Variants in ADGRF5 observed in about 807,000 individuals in gnomAD.
ADGRF5 encodes G-protein coupled receptor 116.
Under a neutral mutation model 132.3 loss-of-function variants are expected in ADGRF5, and 75 were observed. That is an observed-to-expected ratio of 0.57 (90% CI 0.47 to 0.69). The LOEUF is 0.69. Among genes scored for constraint, ADGRF5 ranks in the 30% least tolerant of loss-of-function variants. The pLI is 0.00. For synonymous variants in ADGRF5, 629 were observed against 597.6 expected (o/e 1.05, Z -0.77); for missense variants, 1,516 against 1,630.6 (o/e 0.93, Z 1.21).
At chr6:46,884,817 T>C (rs1182825786) in intron 4 of ADGRF5, among the ~76,000 whole-genome samples, 1 of 152,168 alleles carries the variant, frequency 6.6e-6, no homozygotes, top group African/African-American at 2.4e-5. Flanking sequence ...AGACACATCA[T>C]GGAGAGGTCC....
In ADGRF5 at chr6:46,884,189, G is replaced by C. The variant is rs1239669504; in HGVS notation, c.411C>G (p.Leu137=). ...GGAAGACGTCACGCTCTTGACAAAT[G>C]AGATTGTGAAGACACCTTTCCCGAG... ...GWPRERCLHN[L]ICQERDVFLP... The change falls in exon 5 of 21, where the codon CTC becomes CTG. Residue 137 remains leucine, a synonymous_variant. Transcript: ENST00000283296. 3 of 1,613,782 alleles carry C rather than the reference G, an allele frequency of 1.9e-6. No individual in the cohort carries two copies. In the East Asian group the frequency reaches 6.7e-5, roughly 36 times the overall value.
chr6:46,858,503 G>A lies in ADGRF5; in HGVS notation c.3400C>T (p.Leu1134Phe). The change falls in exon 17 of 21, where the codon CTT becomes TTT. Residue 1134 changes from leucine to phenylalanine, a missense_variant. Physicochemically the swap from Leu to Phe is conservative, Grantham distance 22 (BLOSUM62 0). Transcript: ENST00000283296. Reference sequence around the variant, plus strand: ...ATGGCAAGTGGGCAGCCATAGCCAAGACAGAAGGCAATGGCTTTCTGAGTG... The same window carrying A: ...ATGGCAAGTGGGCAGCCATAGCCAAAACAGAAGGCAATGGCTTTCTGAGTG... ...RSTQKAIAFC[L>F]GYGCPLAISV... 6.2e-7 allele frequency: 1 copy of A among 1,613,912 alleles called. No homozygotes were observed. The highest frequency in any genetic ancestry group is 2.2e-5 in the East Asian group (1 of 44,878).
chr6:46,902,413 A>G (rs1269350607), intron 2 of ADGRF5, among the ~76,000 whole-genome samples: 1 of 152,220 alleles, frequency 6.6e-6, no homozygotes, highest in Non-Finnish European at 1.5e-5. Context: ...CAATAGGACT[A>G]AAGCATTGAG....
rs114991830 is a variant in ADGRF5, at chr6:46,864,825, A to G, written c.1990+217T>C. Among the ~76,000 whole-genome samples, 480 of 152,272 alleles carry G rather than the reference A, an allele frequency of 3.2e-3. 8 individuals carry two copies. The highest frequency in any genetic ancestry group is 0.011 in the African/African-American group (457 of 41,562). ...AGGCGTGAGCCACCGCACCCGGCCA[A>G]TAACATTTTTTTATCACATAGATTT... On this transcript the variant is annotated intron_variant, in intron 14 of 20. Coordinates refer to ENST00000283296, the MANE Select transcript of ADGRF5 (RefSeq NM_001098518.2).
rs771877461 is a variant in ADGRF5, at chr6:46,881,549, T to C, written c.720A>G (p.Ser240=). 1 of 1,613,568 alleles carries C rather than the reference T, an allele frequency of 6.2e-7. No individual in the cohort carries two copies. Among genetic ancestry groups the C allele is most frequent in the Non-Finnish European group, 8.5e-7 (1 of 1,179,438 alleles). ...VTYEVKTTPP[S]LELIHKANEQ... ...CATTGGCTTTATGTATTAACTCAAG[T>C]GATGGTGGTGTAGTCTTGACTTCAT... Residue 240 remains serine, a synonymous_variant, in exon 8 of 21, where the codon TCA becomes TCG. Transcript: ENST00000283296.
Position 46,860,877 on chromosome 6 carries a change from G to C in ADGRF5, c.2217C>G (p.Pro739=). ...ATGTAGGGAGCATCTCATCCTGAGA[G>C]GGGCTCTTGATCAAAGCCTAGTAAA... ...LQMAKALIKS[P]SQDEMLPTYL... Residue 739 remains proline, a synonymous_variant, in exon 16 of 21, where the codon CCC becomes CCG. Transcript: ENST00000283296. The C allele has an allele frequency of 6.2e-7, 1 of 1,608,542 alleles. No individual in the cohort carries two copies. The highest frequency in any genetic ancestry group is 8.5e-7 in the Non-Finnish European group (1 of 1,176,630).
rs897677426 is a variant in ADGRF5, at chr6:46,916,398, G to A, written c.-25+5315C>T. 2.0e-5 allele frequency among the ~76,000 whole-genome samples: 3 copies of A among 152,196 alleles called. No individual in the cohort carries two copies. The East Asian group carries it at 5.8e-4, about 29-fold the overall frequency. ...AACTGCTGGCTTCATTGTTTCCTAG[G>A]CTCACAGCTTCACAGGTGTCCTTGG... On this transcript the variant is annotated intron_variant, in intron 1 of 20. Coordinates refer to ENST00000283296, the MANE Select transcript of ADGRF5 (RefSeq NM_001098518.2).
intron 3 of ADGRF5, among the ~76,000 whole-genome samples, chr6:46,889,168 TG>T (rs1183628794): frequency 1.6e-5 from 2 of 123,124 alleles, no homozygotes; most frequent in Non-Finnish European, 3.3e-5. Context: ...TATATGTATA[TG>T]TGTGTGTATG....
chr6:46,900,294 T>C (rs908561507), intron 2 of ADGRF5, among the ~76,000 whole-genome samples: 10 of 145,744 alleles, frequency 6.9e-5, no homozygotes, highest in African/African-American at 2.2e-4. Flanking sequence ...TAGGAATTCA[T>C]TTTTTTTTAG....
At chr6:46,924,281 C>G (rs185674906), upstream of ADGRF5, among the ~76,000 whole-genome samples, 1 of 152,206 alleles carries the variant, frequency 6.6e-6, no homozygotes, top group East Asian at 1.9e-4. Context: ...AGATGCATGT[C>G]TTTTTGAAGT....
In ADGRF5 at chr6:46,863,041, G is replaced by A. The variant is rs1414131761; in HGVS notation, c.2046C>T (p.Val682=). Residue 682 remains valine (V), a synonymous_variant, in exon 15 of 21, where the codon GTC becomes GTT. Coordinates refer to ENST00000283296, the MANE Select transcript of ADGRF5 (RefSeq NM_001098518.2). ...TTGAGAACCGGCATAGCTTCTGGAT[G>A]ACTTTCCCCGGCTCTCCGACACCTA... ...PVIGVGEPGK[V]IQKLCRFSNV... is the part of the protein sequence containing the mutation. The A allele has an allele frequency of 6.2e-7, 1 of 1,614,052 alleles. No homozygotes were observed.
intron 1 of ADGRF5, among the ~76,000 whole-genome samples, chr6:46,941,462 AAAAG>A (rs1322218228): frequency 0.013 from 588 of 45,336 alleles, 11 homozygotes; most frequent in Middle Eastern, 0.038. Flanking sequence ...AAAAGAAAAG[AAAAG>A]AAAGAAAAGA....
At chr6:46,910,851 T>C (rs974735125) in intron 1 of ADGRF5, among the ~76,000 whole-genome samples, 1 of 152,188 alleles carries the variant, frequency 6.6e-6, no homozygotes, top group Non-Finnish European at 1.5e-5. Context: ...TGTTTTCTTA[T>C]CAGTAAATCC....
intron 3 of ADGRF5, among the ~76,000 whole-genome samples, chr6:46,897,070 A>G (rs1581902125): frequency 6.6e-6 from 1 of 151,816 alleles, no homozygotes; most frequent in Non-Finnish European, 1.5e-5. Context: ...CAAGGGAAGG[A>G]CAACAGTATA....
intron 1 of ADGRF5, among the ~76,000 whole-genome samples, chr6:46,928,266 A>G (rs1396435675): frequency 6.6e-6 from 1 of 152,210 alleles, no homozygotes; most frequent in African/African-American, 2.4e-5. Context: ...TGGTCAACCC[A>G]TAGAACTGCC....
chr6:46,930,737 T>G (rs375844768), intron 1 of ADGRF5, among the ~76,000 whole-genome samples: 3 of 152,178 alleles, frequency 2.0e-5, no homozygotes, highest in East Asian at 1.9e-4. Flanking sequence ...TGCCTCATAT[T>G]TCACTGGAAA....
chr6:46,866,086 G>A (rs149557550), intron 13 of ADGRF5, among the ~76,000 whole-genome samples: 12 of 152,262 alleles, frequency 7.9e-5, no homozygotes, highest in Non-Finnish European at 1.5e-4. Flanking sequence ...CCATCTACCA[G>A]AGAGACTTTG....
At position 46,867,076 on chromosome 6, in the gene ADGRF5, A is replaced by G. The variant is rs377006602; in HGVS notation, c.1683T>C (p.Ile561=). ...TCAGCTTTAGAGGCAGCGGGTGAAC[A>G]ATGACGTCTTTGGTTGCAATACTGT... ...NSYSIATKDV[I]VHPLPLKLNI... The change falls in exon 13 of 21, where the codon ATT becomes ATC. Residue 561 remains isoleucine, a synonymous_variant. Transcript: ENST00000283296. 4 of 1,613,740 alleles carry G rather than the reference A, an allele frequency of 2.5e-6. No homozygotes were observed. Among genetic ancestry groups the G allele is most frequent in the African/African-American group, 2.7e-5 (2 of 74,930 alleles).
At position 46,884,270 on chromosome 6, in the gene ADGRF5, G is replaced by C; in HGVS notation, c.330C>G (p.Val110=). 6.2e-7 allele frequency: 1 copy of C among 1,612,516 alleles called. No homozygotes were observed. The highest frequency in any genetic ancestry group is 1.1e-5 in the South Asian group (1 of 91,024). Residue 110 remains valine (V), a splice_region_variant and synonymous_variant, in exon 5 of 21, where the codon GTC becomes GTG. Coordinates refer to ENST00000283296, the MANE Select transcript of ADGRF5 (RefSeq NM_001098518.2). ...AGATTTCATTTCCAGCAGGTCTGCA[G>C]ACTATCGTTAATCAGAACAGCAAGG... ...TDILSINVTT[V]CRPAGNEIWC...
Sources: allele counts gnomAD v4.1 joint callset (sites outside exome capture counted in the v4.1 genomes callset), GRCh38; gene constraint gnomAD v4.1.1; transcripts MANE v1.5; gene names NCBI Gene and HGNC (gene_info 2026-07-23, HGNC 2026-07-21).